Variants in SCART1 observed in about 807,000 individuals in gnomAD.
SCART1 encodes the protein scavenger receptor cysteine-rich domain-containing protein SCART1.
SCART1 carries 62 observed loss-of-function variants against 36.2 expected under a neutral mutation model. The ratio of observed to expected loss-of-function variants is 1.71; its 90% confidence interval spans 1.40 to 2.12. The LOEUF (loss-of-function observed/expected upper bound fraction) is 2.12. SCART1 is among the 30% of genes most tolerant of loss of function. The probability of loss-of-function intolerance (pLI) is 0.00; values close to 1 mark genes in which losing one functional copy is unlikely to be tolerated. For missense variants in SCART1, 1,041 were observed against 540.5 expected, an observed-to-expected ratio of 1.93 and a Z score of -9.18; for synonymous variants, 487 against 238.7, an observed-to-expected ratio of 2.04 and a Z score of -9.59.
chr10:133,458,699 G>A, intron 4 of SCART1, 43 bp downstream of exon 4: 2 of 698,254 alleles, frequency 2.9e-6, no homozygotes, highest in South Asian at 1.5e-5. Flanking sequence ...GCCCTGCCTT[G>A]TTCTCTGTCA....
exon 4 of SCART1, chr10:133,458,500 G>A (rs569946488): frequency 6.4e-5 from 44 of 684,034 alleles, no homozygotes; most frequent in Middle Eastern, 3.1e-4. Context: ...TGGGGCGGTC[G>A]TGTCCACGCC....
intron 1 of SCART1, among the ~76,000 whole-genome samples, chr10:133,455,507 C>T (rs557724596): frequency 1.3e-5 from 2 of 152,016 alleles, no homozygotes; most frequent in African/African-American, 2.4e-5. Context: ...TCCAGGGGCC[C>T]TGGAGGCTGC....
chr10:133,462,917 A>G (rs1016769866), intron 6 of SCART1, among the ~76,000 whole-genome samples: 1 of 152,158 alleles, frequency 6.6e-6, no homozygotes, highest in African/African-American at 2.4e-5. Flanking sequence ...ATACTTATGG[A>G]CACTTTTGTA....
chr10:133,466,415 G>A (rs1229744278), intron 10 of SCART1, 34 bp downstream of exon 10: 1 of 694,464 alleles, frequency 1.4e-6, no homozygotes, highest in Non-Finnish European at 2.6e-6. Flanking sequence ...CCATCAACTG[G>A]TGTGCAGGAG....
At chr10:133,464,447 A>T in intron 6 of SCART1, 159 bp from the exon 7 acceptor site, 1 of 579,460 alleles carries the variant, frequency 1.7e-6, no homozygotes, top group South Asian at 2.2e-5. Flanking sequence ...GGATTGCTGG[A>T]TTGTGTAGTA....
At chr10:133,460,161 T>A (rs1850680256) in exon 6 of SCART1, 4 of 503,732 alleles carry the variant, frequency 7.9e-6, no homozygotes, top group Non-Finnish European at 1.4e-5. Context: ...CGCCGGCGTC[T>A]TCTGCTCAGG....
rs746302744 is a variant in SCART1 at position 133,458,634 on chromosome 10, C to T, written c.957C>T (p.His319=). ...GTGGGAGCCAGTGTGGGCATGGTCA[C>T]GACGCGGGGCTCAGGTGCTCAGGTG... The change falls in exon 4 of 12, where the codon CAC becomes CAT. Residue 319 remains histidine, a synonymous_variant. Coordinates refer to ENST00000640237, the Ensembl canonical transcript of SCART1. 5.7e-6 allele frequency: 4 copies of T among 699,802 alleles called. No individual in the cohort carries two copies. The Admixed American group carries it at 6.1e-5, about 11-fold the overall frequency. The allele number at this position is 699,802 out of a possible 1,614,324, so 43.3% of individuals were successfully genotyped here.
At chr10:133,456,502 A>G in exon 2 of SCART1, 1 of 694,446 alleles carries the variant, frequency 1.4e-6, no homozygotes, top group Non-Finnish European at 2.6e-6. Flanking sequence ...GCCTTGGCTC[A>G]TGGTGCCAGA....
intron 6 of SCART1, among the ~76,000 whole-genome samples, chr10:133,463,440 A>G (rs1850726628): frequency 6.6e-6 from 1 of 150,998 alleles, no homozygotes; most frequent in South Asian, 2.1e-4. Flanking sequence ...CCTTTGACCT[A>G]CATCTCCCCA....
chr10:133,454,061 A>C (rs1372219066), exon 1 of SCART1: 1 of 702,872 alleles, frequency 1.4e-6, no homozygotes, highest in African/African-American at 1.7e-5. Flanking sequence ...GGCAGTCCCC[A>C]TTGGTAAGTT....
At position 133,465,413 on chromosome 10, in the gene SCART1, T is replaced by TG; in HGVS notation, c.2512dup (p.Ala838GlyfsTer113). On this transcript the variant is annotated frameshift_variant, in exon 9 of 12. Coordinates refer to ENST00000640237, the Ensembl canonical transcript of SCART1. LOFTEE classifies it high-confidence loss of function. ...GGCTGTGGTCGGGCCGTCGCCGCCC[T>TG]GGGGGCCGCCGCCTTTGGCCCTGGC... The TG allele has an allele frequency of 3.4e-6, 2 of 583,974 alleles. No individual in the cohort carries two copies. Among genetic ancestry groups the TG allele is most frequent in the South Asian group, 2.0e-5 (1 of 49,210 alleles). 36.2% of individuals were successfully genotyped at this position (583,974 alleles called of 1,614,324 possible).
chr10:133,459,716 C>T (rs1268291408), exon 6 of SCART1: 1 of 700,296 alleles, frequency 1.4e-6, no homozygotes. Flanking sequence ...GCTGTCTGGG[C>T]ACCGAAACCC....
chr10:133,464,691 G>T (rs1192263419), exon 7 of SCART1: 1 of 701,408 alleles, frequency 1.4e-6, no homozygotes, highest in Non-Finnish European at 2.6e-6. Flanking sequence ...GGGGCGCCAT[G>T]TGCAGCAATG....
intron 10 of SCART1, 98 bp downstream of exon 10, chr10:133,466,479 C>T (rs78567575): frequency 0.015 from 9,635 of 641,570 alleles, 174 homozygotes; most frequent in African/African-American, 0.058. Flanking sequence ...GGCGGGGTGC[C>T]CCACAGCAGT....
intron 6 of SCART1, among the ~76,000 whole-genome samples, chr10:133,462,940 G>A (rs1188582681): frequency 6.6e-6 from 1 of 152,136 alleles, no homozygotes; most frequent in African/African-American, 2.4e-5. Flanking sequence ...CTATTACAGT[G>A]TATTTCTTTC....
chr10:133,454,953 G>A (rs1307178488), intron 1 of SCART1, among the ~76,000 whole-genome samples: 1 of 152,174 alleles, frequency 6.6e-6, no homozygotes, highest in Non-Finnish European at 1.5e-5. Context: ...ACAAGAAATA[G>A]CTTTAGAAAA....
At chr10:133,456,085 C>A (rs185958680) in intron 1 of SCART1, among the ~76,000 whole-genome samples, 152 bp from the exon 2 acceptor site, 2 of 152,218 alleles carry the variant, frequency 1.3e-5, no homozygotes, top group African/African-American at 4.8e-5. Flanking sequence ...CTGTGAGCCG[C>A]GCCCATCACC....
At chr10:133,457,669 G>A (rs929178566) in intron 3 of SCART1, 94 bp downstream of exon 3, 18 of 593,322 alleles carry the variant, frequency 3.0e-5, no homozygotes, top group African/African-American at 2.3e-4. Context: ...GCGTTCCCAC[G>A]GATGGGCCCC....
chr10:133,465,297 G>A, exon 9 of SCART1: 1 of 684,232 alleles, frequency 1.5e-6, no homozygotes, highest in Non-Finnish European at 2.7e-6. Flanking sequence ...GCTGCTCCGG[G>A]CGCGTGGAGC....
Sources: gnomAD v4.1 joint callset for allele counts (sites outside exome capture counted in the v4.1 genomes callset) on GRCh38, gnomAD v4.1.1 for gene constraint, MANE v1.5 for transcripts, NCBI Gene and HGNC (gene_info 2026-07-23, HGNC 2026-07-21) for gene names.